The following CPVL variants were observed in gnomAD, a reference collection of about 807,000 sequenced individuals.
CPVL encodes the protein carboxypeptidase vitellogenic like, also known as probable serine carboxypeptidase CPVL.
CPVL carries 51 observed loss-of-function variants against 63.7 expected under a neutral mutation model. That is an observed-to-expected ratio of 0.80 (90% confidence interval 0.64 to 1.01). The LOEUF (loss-of-function observed/expected upper bound fraction) is 1.01. CPVL is among the 50% of genes least tolerant of loss of function. CPVL has a pLI of 0.00. For missense variants in CPVL, 530 were observed against 573.1 expected (o/e 0.92, Z 0.77); for synonymous variants, 195 against 206.0 (o/e 0.95, Z 0.46).
At chr7:29,061,934 ACT>A (rs1453418130) in intron 11 of CPVL, among the ~76,000 whole-genome samples, 1 of 142,550 alleles carries the variant, frequency 7.0e-6, no homozygotes, top group Non-Finnish European at 1.5e-5. Flanking sequence ...CAAGAGCAAA[ACT>A]CTATCTCAAA....
intron 4 of CPVL, among the ~76,000 whole-genome samples, chr7:29,095,586 A>G (rs1786318503): frequency 6.6e-6 from 1 of 151,948 alleles, no homozygotes; most frequent in Non-Finnish European, 1.5e-5. Flanking sequence ...GGGGAAGTAA[A>G]CAAAATTAAA....
intron 1 of CPVL, among the ~76,000 whole-genome samples, chr7:29,188,880 A>G (rs1037230054): frequency 6.6e-6 from 1 of 151,982 alleles, no homozygotes; most frequent in Non-Finnish European, 1.5e-5. Context: ...TGAAATGTAA[A>G]TGTCACAGGA....
At chr7:29,090,395 G>A (rs149844273) in intron 6 of CPVL, among the ~76,000 whole-genome samples, 22 of 152,314 alleles carry the variant, frequency 1.4e-4, no homozygotes, top group Admixed American at 2.6e-4. Context: ...TTTAATATAG[G>A]AAGCCTGCTT....
At chr7:29,186,311 C>A (rs1279682967) in intron 2 of CPVL, 3 of 152,150 alleles carry the variant, frequency 2.0e-5, no homozygotes, top group Non-Finnish European at 4.4e-5. Flanking sequence ...GTAGGCCATG[C>A]GTGTTGGCTC....
chr7:29,082,739 A>T (rs2128591791), intron 7 of CPVL, among the ~76,000 whole-genome samples: 1 of 152,358 alleles, frequency 6.6e-6, no homozygotes, highest in East Asian at 1.9e-4. Context: ...GTCCTTTTCT[A>T]CACACATTAG....
intron 1 of CPVL, among the ~76,000 whole-genome samples, chr7:29,121,382 C>A (rs1016885313): frequency 1.3e-5 from 2 of 151,984 alleles, no homozygotes; most frequent in Non-Finnish European, 2.9e-5. Context: ...CTCACTGTTG[C>A]CTTGACCTCC....
At chr7:29,101,519 C>A (rs923706743) in intron 3 of CPVL, among the ~76,000 whole-genome samples, 2 of 152,122 alleles carry the variant, frequency 1.3e-5, no homozygotes, top group Non-Finnish European at 2.9e-5. Context: ...GGCGTGAACC[C>A]GGGAGGCGGA....
At chr7:29,183,452 C>A (rs1044077130) in intron 4 of CPVL, among the ~76,000 whole-genome samples, 4 of 151,380 alleles carry the variant, frequency 2.6e-5, no homozygotes, top group Admixed American at 2.6e-4. Context: ...TCTCGGCTCA[C>A]TGCAACTTTT....
upstream of CPVL, chr7:29,195,277 G>T: frequency 2.6e-6 from 1 of 381,564 alleles, no homozygotes; most frequent in Non-Finnish European, 4.7e-6. Flanking sequence ...CGAAAGGAGC[G>T]GGCAGGCTCG....
At chr7:29,159,433 T>A (rs1183368697) in intron 5 of CPVL, among the ~76,000 whole-genome samples, 6 of 152,224 alleles carry the variant, frequency 3.9e-5, no homozygotes, top group Non-Finnish European at 8.8e-5. Flanking sequence ...ATTGGAAAAC[T>A]ATCTGCCTTG....
chr7:29,152,584 A>C (rs1295368250), intron 5 of CPVL, among the ~76,000 whole-genome samples: 1 of 152,190 alleles, frequency 6.6e-6, no homozygotes, highest in African/African-American at 2.4e-5. Context: ...ATGTGATATA[A>C]ATTGCCTGGG....
intron 3 of CPVL, among the ~76,000 whole-genome samples, chr7:29,103,865 AT>A (rs1277500409): frequency 1.3e-5 from 2 of 152,140 alleles, no homozygotes; most frequent in Non-Finnish European, 2.9e-5. Flanking sequence ...GAGGCTGATC[AT>A]TTGCTTGGTT....
At position 29,130,824 on chromosome 7, in the gene CPVL, T is replaced by C. The variant is rs374356035; in HGVS notation, c.-10-9753A>G. 2.0e-5 allele frequency among the ~76,000 whole-genome samples: 3 copies of C among 152,350 alleles called. No homozygotes were observed. The East Asian group carries it at 5.8e-4, about 29-fold the overall frequency. On this transcript the variant is annotated intron_variant, in intron 1 of 12. Coordinates refer to ENST00000265394, the MANE Select transcript of CPVL (RefSeq NM_031311.5). Reference sequence around the variant, plus strand: ...TTGTTTTGTCCATTTGCAGAATTTATAGGTACTGAAATTGCAAATGACTGA... The same window carrying C: ...TTGTTTTGTCCATTTGCAGAATTTACAGGTACTGAAATTGCAAATGACTGA...
intron 1 of CPVL, among the ~76,000 whole-genome samples, chr7:29,134,193 C>A (rs1427628639): frequency 1.3e-5 from 2 of 152,172 alleles, no homozygotes; most frequent in Non-Finnish European, 2.9e-5. Context: ...GACTCTATAC[C>A]TTCATTCTTC....
In CPVL at chr7:29,092,641, A is replaced by G; in HGVS notation, c.524T>C (p.Val175Ala). Reference sequence around the variant, plus strand: ...ATTTTACCTGTATAAATCCCGTGCTACATCGTCCTCATTGACTGCATATCC... The same window carrying G: ...ATTTTACCTGTATAAATCCCGTGCTGCATCGTCCTCATTGACTGCATATCC... Reference protein sequence around the residue: ...THGYAVNEDDVARDLYSALIQ... With the variant: ...THGYAVNEDDAARDLYSALIQ... Residue 175 changes from valine (V) to alanine (A), a missense_variant, in exon 6 of 13, where the codon GTA (valine) becomes GCA (alanine). By Grantham distance (64) the Val-to-Ala change is moderately conservative. Coordinates refer to ENST00000265394, the MANE Select transcript of CPVL (RefSeq NM_031311.5). 1 of 1,613,492 alleles carries G rather than the reference A, an allele frequency of 6.2e-7. No homozygotes were observed. The highest frequency in any genetic ancestry group is 8.5e-7 in the Non-Finnish European group (1 of 1,179,366).
At position 29,111,704 on chromosome 7, in the gene CPVL, G is replaced by A. The variant is rs74616341; in HGVS notation, c.288+1000C>T. Among the ~76,000 whole-genome samples the A allele has an allele frequency of 2.8e-3, 421 of 152,302 alleles. 5 individuals are homozygous for A. The highest frequency in any genetic ancestry group is 9.4e-3 in the African/African-American group (391 of 41,566). ...TATGTCAGAGGCCATGTAGTTGAGA[G>A]AGCAGGAAAGAAAAGTCAAGAAAAT... On this transcript the variant is annotated intron_variant, in intron 3 of 12. Transcript: ENST00000265394.
At chr7:29,063,966 T>TAAAAA in intron 11 of CPVL, 95 bp downstream of exon 11, 2 of 691,902 alleles carry the variant, frequency 2.9e-6, no homozygotes, top group East Asian at 3.0e-5. Flanking sequence ...TCATAAAAGT[T>TAAAAA]AAAAAAAAAA....
At chr7:29,055,859 C>T (rs893726588) in intron 11 of CPVL, among the ~76,000 whole-genome samples, 5 of 152,170 alleles carry the variant, frequency 3.3e-5, no homozygotes, top group Non-Finnish European at 5.9e-5. Flanking sequence ...TGTTTGTTGT[C>T]ATTTATCCTG....
In CPVL at chr7:29,112,750, T is replaced by A. The variant is rs771212555; in HGVS notation, c.242A>T (p.Asn81Ile). 1.9e-6 allele frequency: 3 copies of A among 1,613,886 alleles called. No homozygotes were observed. Residue 81 changes from asparagine to isoleucine, a missense_variant, in exon 3 of 13, where the codon AAT (asparagine) becomes ATT (isoleucine). Coordinates refer to ENST00000265394, the MANE Select transcript of CPVL (RefSeq NM_031311.5). ...MKSYAGFLTV[N>I]KTYNSNLFFW... Reference sequence around the variant, plus strand: ...GAAGAGGTTGCTGTTGTAAGTCTTATTCACGGTGAGGAAGCCGGCATAACT... The same window carrying A: ...GAAGAGGTTGCTGTTGTAAGTCTTAATCACGGTGAGGAAGCCGGCATAACT...
Sources: allele counts gnomAD v4.1 joint callset (sites outside exome capture counted in the v4.1 genomes callset), GRCh38; gene constraint gnomAD v4.1.1; transcripts MANE v1.5; gene names NCBI Gene and HGNC (gene_info 2026-07-23, HGNC 2026-07-21).